The following NSMCE2 variants were observed in gnomAD, a reference collection of about 807,000 sequenced individuals.
NSMCE2 encodes NSE2 SUMO ligase component of SMC5/6 complex, also known as E3 SUMO-protein ligase NSE2.
A neutral mutation model predicts 23.8 loss-of-function variants in NSMCE2; 24 were observed. The observed-to-expected ratio is 1.01, with a 90% CI of 0.73 to 1.42. The LOEUF is 1.42. Among genes scored for constraint, NSMCE2 ranks in the 40% most tolerant of loss-of-function variants. The pLI, the probability that NSMCE2 is intolerant of heterozygous loss-of-function variation, is 0.00. For synonymous variants in NSMCE2, 92 were observed against 94.1 expected (o/e 0.98, Z 0.13); for missense variants, 284 against 296.5 (o/e 0.96, Z 0.31).
At chr8:125,340,764 G>C (rs1276860906) in intron 5 of NSMCE2, among the ~76,000 whole-genome samples, 2 of 152,190 alleles carry the variant, frequency 1.3e-5, no homozygotes, top group Non-Finnish European at 2.9e-5. Context: ...GCTTTGTTCA[G>C]ATGAATAGCC....
chr8:125,366,049 T>TC (rs1813776288), intron 7 of NSMCE2, among the ~76,000 whole-genome samples: 1 of 152,070 alleles, frequency 6.6e-6, no homozygotes, highest in Non-Finnish European at 1.5e-5. Context: ...GCAGACTTGT[T>TC]CCCACGCTTC....
At chr8:125,222,435 G>A (rs966149894) in intron 5 of NSMCE2, among the ~76,000 whole-genome samples, 17 of 151,868 alleles carry the variant, frequency 1.1e-4, no homozygotes, top group Admixed American at 3.9e-4. Context: ...TGTGATTTTC[G>A]TGCTGTGCAA....
chr8:125,161,345 T>C (rs916441727), intron 4 of NSMCE2, among the ~76,000 whole-genome samples: 10 of 152,236 alleles, frequency 6.6e-5, no homozygotes, highest in African/African-American at 2.4e-4. Flanking sequence ...GTGAAAATCA[T>C]TATGTTTATT....
chr8:125,323,757 C>T (rs1002223020), intron 5 of NSMCE2, among the ~76,000 whole-genome samples: 1 of 152,082 alleles, frequency 6.6e-6, no homozygotes, highest in African/African-American at 2.4e-5. Flanking sequence ...AAACTGTGAC[C>T]TTGGTTTAGG....
At chr8:125,352,833 TC>T (rs1259104870) in intron 5 of NSMCE2, among the ~76,000 whole-genome samples, 9 of 152,220 alleles carry the variant, frequency 5.9e-5, no homozygotes, top group Non-Finnish European at 1.2e-4. Context: ...CACTGGAGAA[TC>T]CCAACGCTAA....
intron 5 of NSMCE2, among the ~76,000 whole-genome samples, chr8:125,339,694 C>T (rs1185019225): frequency 1.3e-5 from 2 of 152,138 alleles, no homozygotes; most frequent in African/African-American, 2.4e-5. Flanking sequence ...GCTCATCCTA[C>T]TCCTTCTCCT....
chr8:125,271,844 A>G lies in NSMCE2; in HGVS notation c.419-85375A>G, dbSNP rs533878307. On this transcript the variant is annotated intron_variant, in intron 5 of 7. Transcript: ENST00000287437. The stretch of plus-strand genomic sequence containing the variant: ...ATGGCTGTTATACTTAGCACTTTAT[A>G]TCTTCAAAGAATTCAGCAATATTAA... Among the ~76,000 whole-genome samples the G allele has an allele frequency of 2.6e-5, 4 of 152,300 alleles. No individual in the cohort carries two copies. In the South Asian group the frequency reaches 8.3e-4, roughly 32 times the overall value.
intron 3 of NSMCE2, among the ~76,000 whole-genome samples, chr8:125,108,045 A>G (rs902928213): frequency 6.6e-6 from 1 of 151,942 alleles, no homozygotes; most frequent in Non-Finnish European, 1.5e-5. Flanking sequence ...AAAAAAAAAT[A>G]AAAAAAATTA....
chr8:125,129,974 A>G (rs1819683228), intron 3 of NSMCE2, among the ~76,000 whole-genome samples: 1 of 152,192 alleles, frequency 6.6e-6, no homozygotes, highest in African/African-American at 2.4e-5. Flanking sequence ...TAAACTAAAT[A>G]GTAAGCTCCA....
chr8:125,283,428 A>G (rs1827772180), intron 5 of NSMCE2, among the ~76,000 whole-genome samples: 1 of 152,184 alleles, frequency 6.6e-6, no homozygotes, highest in South Asian at 2.1e-4. Context: ...AGTCCCAGCT[A>G]CTTGGGAGGC....
intron 5 of NSMCE2, among the ~76,000 whole-genome samples, chr8:125,349,059 A>ACACG (rs1554642163): frequency 3.4e-5 from 5 of 146,760 alleles, no homozygotes; most frequent in African/African-American, 1.3e-4. Flanking sequence ...ACACACACAC[A>ACACG]CACAGAGCTC....
chr8:125,238,295 C>T (rs2130969194), intron 5 of NSMCE2, among the ~76,000 whole-genome samples: 1 of 152,296 alleles, frequency 6.6e-6, no homozygotes, highest in South Asian at 2.1e-4. Context: ...TTCCTCACAA[C>T]AGTCCCAATA....
chr8:125,309,408 T>C (rs1828891052), intron 5 of NSMCE2, among the ~76,000 whole-genome samples: 1 of 152,120 alleles, frequency 6.6e-6, no homozygotes, highest in Non-Finnish European at 1.5e-5. Flanking sequence ...ATTGCCATCA[T>C]TGAGTCACTT....
At chr8:125,160,588 T>G (rs1821559886) in intron 4 of NSMCE2, among the ~76,000 whole-genome samples, 1 of 152,220 alleles carries the variant, frequency 6.6e-6, no homozygotes, top group African/African-American at 2.4e-5. Flanking sequence ...CAGCTGCATT[T>G]GAACTTCCCT....
At chr8:125,190,996 G>A (rs1200038281) in intron 5 of NSMCE2, among the ~76,000 whole-genome samples, 5 of 152,000 alleles carry the variant, frequency 3.3e-5, no homozygotes, top group African/African-American at 1.2e-4. Flanking sequence ...TCAGCCTCCC[G>A]AGTAGCTGGG....
chr8:125,259,536 C>T (rs1258155457), intron 5 of NSMCE2, among the ~76,000 whole-genome samples: 1 of 152,112 alleles, frequency 6.6e-6, no homozygotes, highest in Non-Finnish European at 1.5e-5. Flanking sequence ...CCACCACACC[C>T]CAGTCTGTGA....
intron 5 of NSMCE2, among the ~76,000 whole-genome samples, chr8:125,306,846 C>T (rs1828784482): frequency 6.6e-6 from 1 of 152,206 alleles, no homozygotes; most frequent in Non-Finnish European, 1.5e-5. Flanking sequence ...CCTCTCTGTG[C>T]TTGTTTCCAC....
At chr8:125,101,401 T>C (rs1284005724) in intron 1 of NSMCE2, among the ~76,000 whole-genome samples, 1 of 152,206 alleles carries the variant, frequency 6.6e-6, no homozygotes, top group Non-Finnish European at 1.5e-5. Context: ...TACCATACCA[T>C]GGTTATTCCT....
intron 5 of NSMCE2, among the ~76,000 whole-genome samples, chr8:125,326,528 T>G (rs1409053057): frequency 6.6e-6 from 1 of 152,172 alleles, no homozygotes; most frequent in Non-Finnish European, 1.5e-5. Context: ...CAGTGGTTGT[T>G]TCTGAGAATT....
Sources: allele counts gnomAD v4.1 joint callset (sites outside exome capture counted in the v4.1 genomes callset), GRCh38; gene constraint gnomAD v4.1.1; transcripts MANE v1.5; gene names NCBI Gene and HGNC (gene_info 2026-07-23, HGNC 2026-07-21).